Variants in UTP25 observed in about 807,000 individuals in gnomAD.
The protein encoded by UTP25 is U3 small nucleolar RNA-associated protein 25 homolog.
In UTP25, 50 loss-of-function variants were observed where a neutral mutation model predicts 78.9. The ratio of observed to expected loss-of-function variants is 0.63; its 90% confidence interval spans 0.50 to 0.80. The LOEUF (loss-of-function observed/expected upper bound fraction) is 0.80, where lower values mean the gene tolerates loss of function less well. Among genes scored for constraint, UTP25 ranks in the 30% least tolerant of loss-of-function variants. The pLI, the probability that UTP25 is intolerant of heterozygous loss-of-function variation, is 0.00. For synonymous variants in UTP25, 329 were observed against 336.5 expected (o/e 0.98, Z 0.24); for missense variants, 846 against 911.3 (o/e 0.93, Z 0.92).
At chr1:209,830,018 T>G (rs2078093903) in intron 1 of UTP25, 90 bp from the exon 2 acceptor site, 1 of 1,136,866 alleles carries the variant, frequency 8.8e-7, no homozygotes, top group Non-Finnish European at 1.3e-6. Flanking sequence ...TAATGTTATA[T>G]TCTGCCTTTT....
rs989223939 is a variant in UTP25 at position 209,852,093 on chromosome 1, CAAG to C, written c.*650_*652del. 3.3e-5 allele frequency: 5 copies of C among 152,178 alleles called. No homozygotes were observed. Among genetic ancestry groups the C allele is most frequent in the Non-Finnish European group, 5.9e-5 (4 of 68,030 alleles). 9.4% of individuals were successfully genotyped at this position (152,178 alleles called of 1,614,324 possible). A position where few individuals can be genotyped will look rare whatever the true frequency, so the allele number is the denominator to read the frequency against. On this transcript the variant is annotated 3_prime_UTR_variant, in exon 12 of 12. Coordinates refer to ENST00000491415, the MANE Select transcript of UTP25 (RefSeq NM_014388.7). ...TTTAAAAAACACATCAGCTCTGTCT[CAAG>C]AAGTAATTTTGTTGAAACTCCATGT...
chr1:209,849,567 T>C (rs192643502), intron 11 of UTP25, among the ~76,000 whole-genome samples: 1 of 152,166 alleles, frequency 6.6e-6, no homozygotes, highest in East Asian at 1.9e-4. Context: ...GTTTTTACCA[T>C]GGGTTTCACG....
chr1:209,857,483 ATTG>A lies in UTP25; in HGVS notation c.*6039_*6041del, dbSNP rs1354703128. The A allele has an allele frequency of 1.3e-5, 2 of 152,126 alleles. No individual in the cohort carries two copies. The highest frequency in any genetic ancestry group is 2.9e-5 in the Non-Finnish European group (2 of 68,028). 9.4% of individuals were successfully genotyped at this position (152,126 alleles called of 1,614,324 possible). On this transcript the variant is annotated 3_prime_UTR_variant, in exon 12 of 12. Transcript: ENST00000491415. Reference sequence around the variant, plus strand: ...ATTAATGTCTTATGTTTCCTCCCAGATTGTTTTCTGCATGAATAATAACCAACA... The same window carrying A: ...ATTAATGTCTTATGTTTCCTCCCAGATTTTCTGCATGAATAATAACCAACA...
Position 209,851,211 on chromosome 1 carries a change from A to G in UTP25, c.2035A>G (p.Ile679Val), listed in dbSNP as rs763900725. The G allele has an allele frequency of 2.5e-6, 4 of 1,612,978 alleles. No homozygotes were observed. Among genetic ancestry groups the G allele is most frequent in the Non-Finnish European group, 3.4e-6 (4 of 1,179,658 alleles). ...ERFHFYKRYT[I>V]KGIRNLIFYE... ...TCTTTCCAATTCTGACAGGTATACAATAAAAGGCATCAGGAACCTGATTTT... is the reference window on the plus strand; with the variant it reads ...TCTTTCCAATTCTGACAGGTATACAGTAAAAGGCATCAGGAACCTGATTTT... The change falls in exon 12 of 12, where the codon ATA becomes GTA. Residue 679 changes from isoleucine (I) to valine (V), a missense_variant. Coordinates refer to ENST00000491415, the MANE Select transcript of UTP25 (RefSeq NM_014388.7).
intron 3 of UTP25, 150 bp from the exon 4 acceptor site, chr1:209,833,035 T>C: frequency 1.2e-6 from 1 of 809,504 alleles, no homozygotes; most frequent in Non-Finnish European, 1.9e-6. Context: ...TTAGGCTTAA[T>C]TTTGAAATCT....
rs748015873 is a variant in UTP25 at position 209,828,044 on chromosome 1, G to A, written c.-20G>A. On this transcript the variant is annotated 5_prime_UTR_variant, in exon 1 of 12. Coordinates refer to ENST00000491415, the MANE Select transcript of UTP25 (RefSeq NM_014388.7). ...GGAAAACCGCGACTCTTGCAAGTGGGCAAACTTGACGTTTTCGCTATGGGC... is the reference window on the plus strand; with the variant it reads ...GGAAAACCGCGACTCTTGCAAGTGGACAAACTTGACGTTTTCGCTATGGGC... The A allele has an allele frequency of 1.2e-6, 2 of 1,605,596 alleles. No homozygotes were observed. Among genetic ancestry groups the A allele is most frequent in the Admixed American group, 1.7e-5 (1 of 60,016 alleles).
intron 11 of UTP25, among the ~76,000 whole-genome samples, chr1:209,849,061 G>C (rs146600485): frequency 2.4e-4 from 36 of 152,126 alleles, no homozygotes; most frequent in African/African-American, 8.4e-4. Context: ...TGCCAGAGGA[G>C]GGTCTCACTC....
rs1236519224 is a variant in UTP25 at position 209,828,152 on chromosome 1, A to G, written c.89A>G (p.Glu30Gly). The G allele has an allele frequency of 6.2e-7, 1 of 1,613,968 alleles. No individual in the cohort carries two copies. The highest frequency in any genetic ancestry group is 8.5e-7 in the Non-Finnish European group (1 of 1,179,944). ...AAACATCTTCGAGATTTCGGCGAGG[A>G]GCATCCCTTCTATGACAGGTCTGAA... ...QKKHLRDFGE[E>G]HPFYDRVSRK... The change falls in exon 1 of 12, where the codon GAG becomes GGG. Residue 30 changes from glutamate to glycine, a missense_variant. Glu to Gly is a moderately conservative substitution (Grantham distance 98). Coordinates refer to ENST00000491415, the MANE Select transcript of UTP25 (RefSeq NM_014388.7).
chr1:209,834,801 G>A (rs927378728), intron 4 of UTP25, among the ~76,000 whole-genome samples: 2 of 152,234 alleles, frequency 1.3e-5, no homozygotes, highest in African/African-American at 4.8e-5. Context: ...TAACGGAGAT[G>A]CAGGTTGGAG....
chr1:209,828,401 A>ATTTT (rs71571917), intron 1 of UTP25, among the ~76,000 whole-genome samples: 65,936 of 135,880 alleles, frequency 0.49, 16,422 homozygotes, highest in South Asian at 0.54. Context: ...GTGGGGGAGG[A>ATTTT]TTTTTTTTTT....
In UTP25 at chr1:209,853,924, A is replaced by T. The variant is rs2078256030; in HGVS notation, c.*2477A>T. On this transcript the variant is annotated 3_prime_UTR_variant, in exon 12 of 12. Transcript: ENST00000491415. ...GAGAACACTGAGGATTTCAAGTGTG[A>T]ACAAAGTAGTGTTGCTTTGTTCCTG... 6.6e-6 allele frequency: 1 copy of T among 152,228 alleles called. No homozygotes were observed. The highest frequency in any genetic ancestry group is 1.5e-5 in the Non-Finnish European group (1 of 68,048). The allele number at this position is 152,228 out of a possible 1,614,324, so 9.4% of individuals were successfully genotyped here. A position where few individuals can be genotyped will look rare whatever the true frequency, so the allele number is the denominator to read the frequency against.
At position 209,852,796 on chromosome 1, in the gene UTP25, A is replaced by G. The variant is rs1424302527; in HGVS notation, c.*1349A>G. The G allele has an allele frequency of 2.0e-5, 3 of 152,214 alleles. No homozygotes were observed. Among genetic ancestry groups the G allele is most frequent in the East Asian group, 3.8e-4 (2 of 5,200 alleles). 9.4% of individuals were successfully genotyped at this position (152,214 alleles called of 1,614,324 possible). A position where few individuals can be genotyped will look rare whatever the true frequency, so the allele number is the denominator to read the frequency against. On this transcript the variant is annotated 3_prime_UTR_variant, in exon 12 of 12. Transcript: ENST00000491415. ...GAATTGTGTACATGTATGCACACAC[A>G]TATGTACACACGTTGTCTAAATTTG...
chr1:209,854,473 A>G lies in UTP25; in HGVS notation c.*3026A>G. On this transcript the variant is annotated 3_prime_UTR_variant, in exon 12 of 12. Coordinates refer to ENST00000491415, the MANE Select transcript of UTP25 (RefSeq NM_014388.7). Reference sequence around the variant, plus strand: ...TTCCAAAGGGCTTATAATTGAGCACAGATGGTCCTAGTGGAGATGGGGAAT... The same window carrying G: ...TTCCAAAGGGCTTATAATTGAGCACGGATGGTCCTAGTGGAGATGGGGAAT... The G allele has an allele frequency of 6.6e-6, 1 of 152,382 alleles. No homozygotes were observed. The allele number at this position is 152,382 out of a possible 1,614,324, so 9.4% of individuals were successfully genotyped here.
intron 3 of UTP25, 99 bp from the exon 4 acceptor site, chr1:209,833,086 A>T (rs575650826): frequency 8.9e-7 from 1 of 1,129,862 alleles, no homozygotes; most frequent in African/African-American, 1.6e-5. Flanking sequence ...AATAGTATCA[A>T]TGAACGCTAT....
intron 11 of UTP25, among the ~76,000 whole-genome samples, chr1:209,850,327 A>G (rs1036032256): frequency 6.6e-6 from 1 of 152,204 alleles, no homozygotes; most frequent in Non-Finnish European, 1.5e-5. Context: ...ATAATAGATC[A>G]CAGTCATGGT....
chr1:209,828,944 T>C (rs1462558715), intron 1 of UTP25, among the ~76,000 whole-genome samples: 1 of 151,850 alleles, frequency 6.6e-6, no homozygotes, highest in East Asian at 1.9e-4. Flanking sequence ...GATCAATTTT[T>C]TGTATTTTTA....
intron 11 of UTP25, among the ~76,000 whole-genome samples, chr1:209,850,444 C>T (rs919967694): frequency 2.0e-5 from 3 of 152,322 alleles, no homozygotes; most frequent in South Asian, 4.1e-4. Flanking sequence ...AGTCTAACGT[C>T]TTCAGTGTAT....
intron 11 of UTP25, among the ~76,000 whole-genome samples, chr1:209,849,085 C>T (rs2078214511): frequency 6.6e-6 from 1 of 152,078 alleles, no homozygotes; most frequent in Non-Finnish European, 1.5e-5. Flanking sequence ...ACTCAGACCC[C>T]TCCTCACAGG....
intron 11 of UTP25, among the ~76,000 whole-genome samples, chr1:209,847,548 G>A (rs1276827626): frequency 5.3e-5 from 8 of 152,176 alleles, no homozygotes; most frequent in Non-Finnish European, 4.4e-5. Context: ...TGTTACTACA[G>A]TAATATCATC....
Sources: gnomAD v4.1 joint callset for allele counts (sites outside exome capture counted in the v4.1 genomes callset) on GRCh38, gnomAD v4.1.1 for gene constraint, MANE v1.5 for transcripts, NCBI Gene and HGNC (gene_info 2026-07-23, HGNC 2026-07-21) for gene names.